The following PTPRT variants were observed in gnomAD, a reference collection of about 807,000 sequenced individuals.
PTPRT encodes the protein protein tyrosine phosphatase receptor type T.
PTPRT carries 56 observed loss-of-function variants against 176.8 expected under a neutral mutation model. That is an observed-to-expected ratio of 0.32 (90% CI 0.26 to 0.40). The LOEUF (loss-of-function observed/expected upper bound fraction) is 0.40, where lower values mean the gene tolerates loss of function less well. Ranked by LOEUF, PTPRT falls within the 10% of genes least tolerant of loss-of-function variation. The probability of loss-of-function intolerance (pLI) is 1.00; values close to 1 mark genes in which losing one functional copy is unlikely to be tolerated. For missense variants in PTPRT, 1,540 were observed against 1,908.2 expected, an observed-to-expected ratio of 0.81 and a Z score of 3.60; for synonymous variants, 783 against 739.0, an observed-to-expected ratio of 1.06 and a Z score of -0.96.
intron 1 of PTPRT, among the ~76,000 whole-genome samples, chr20:43,104,353 C>T (rs1006826267): frequency 2.5e-4 from 38 of 152,156 alleles, no homozygotes; most frequent in Middle Eastern, 3.4e-3. Context: ...TACAACATCA[C>T]CCCCTGAGGT....
intron 1 of PTPRT, among the ~76,000 whole-genome samples, chr20:43,112,464 T>A (rs543927654): frequency 7.9e-5 from 12 of 152,236 alleles, no homozygotes; most frequent in African/African-American, 2.4e-4. Context: ...CTGTTGCATG[T>A]TACGTAATAT....
intron 1 of PTPRT, among the ~76,000 whole-genome samples, chr20:43,041,338 A>C (rs1156501655): frequency 6.6e-6 from 1 of 152,230 alleles, no homozygotes; most frequent in Non-Finnish European, 1.5e-5. Context: ...ACTACAAATA[A>C]TGTTCTTAAA....
At chr20:42,427,649 TC>T (rs1429020586) in intron 9 of PTPRT, among the ~76,000 whole-genome samples, 2 of 152,154 alleles carry the variant, frequency 1.3e-5, no homozygotes, top group Non-Finnish European at 2.9e-5. Flanking sequence ...AGGTCTCACC[TC>T]TTAATACCAC....
At chr20:43,178,547 G>A (rs2015174666) in intron 1 of PTPRT, among the ~76,000 whole-genome samples, 1 of 152,206 alleles carries the variant, frequency 6.6e-6, no homozygotes, top group African/African-American at 2.4e-5. Context: ...AAAGAAAAAT[G>A]TAACAGTCAA....
At chr20:42,353,235 G>A (rs968996092) in intron 9 of PTPRT, among the ~76,000 whole-genome samples, 1 of 152,130 alleles carries the variant, frequency 6.6e-6, no homozygotes, top group Non-Finnish European at 1.5e-5. Flanking sequence ...TATAAGTCTT[G>A]TTAAAAATGC....
intron 7 of PTPRT, among the ~76,000 whole-genome samples, chr20:42,587,528 C>T (rs62203796): frequency 0.022 from 3,357 of 152,340 alleles, 91 homozygotes; most frequent in East Asian, 0.14. Context: ...GACCCTTGCA[C>T]GGCCTGAGCC....
chr20:42,113,785 T>C (rs1353457256), intron 22 of PTPRT, among the ~76,000 whole-genome samples: 4 of 152,212 alleles, frequency 2.6e-5, no homozygotes, highest in African/African-American at 9.7e-5. Flanking sequence ...GCTCTGCTTC[T>C]AAAAAACCTG....
rs1388806632 is a variant in PTPRT at position 42,258,644 on chromosome 20, CA to C, written c.2177-9823del. On this transcript the variant is annotated intron_variant, in intron 13 of 30. Coordinates refer to ENST00000373187, the MANE Select transcript of PTPRT (RefSeq NM_007050.6). Reference sequence around the variant, plus strand: ...CTGACTACCTCCCCATGCCTCAAAGCAATGCCTCCTTCACCAGATCTGGTTG... The same window carrying C: ...CTGACTACCTCCCCATGCCTCAAAGCATGCCTCCTTCACCAGATCTGGTTG... Among the ~76,000 whole-genome samples the C allele has an allele frequency of 4.6e-5, 7 of 152,242 alleles. No homozygotes were observed. In the East Asian group the frequency reaches 1.2e-3, roughly 25 times the overall value.
chr20:42,178,512 A>G (rs1039858255), intron 16 of PTPRT, among the ~76,000 whole-genome samples: 1 of 152,206 alleles, frequency 6.6e-6, no homozygotes, highest in African/African-American at 2.4e-5. Flanking sequence ...GGGCAAATTA[A>G]TTAACATCTC....
At chr20:42,337,056 T>C (rs1176908321) in intron 11 of PTPRT, among the ~76,000 whole-genome samples, 1 of 152,138 alleles carries the variant, frequency 6.6e-6, no homozygotes, top group Non-Finnish European at 1.5e-5. Context: ...TTTTGAGCTG[T>C]GGCATGGTCT....
At chr20:42,407,000 T>A (rs1196250473) in intron 9 of PTPRT, among the ~76,000 whole-genome samples, 1 of 152,194 alleles carries the variant, frequency 6.6e-6, no homozygotes. Flanking sequence ...TTTAAGCAGA[T>A]GTAGAGGGGA....
At chr20:42,980,287 T>C (rs377295868) in intron 1 of PTPRT, among the ~76,000 whole-genome samples, 2 of 152,112 alleles carry the variant, frequency 1.3e-5, no homozygotes, top group Non-Finnish European at 2.9e-5. Flanking sequence ...GAACTCAGCA[T>C]TGGGAATTGG....
intron 6 of PTPRT, among the ~76,000 whole-genome samples, chr20:42,754,009 C>A (rs1044823107): frequency 6.6e-6 from 1 of 152,118 alleles, no homozygotes; most frequent in Non-Finnish European, 1.5e-5. Flanking sequence ...CCATGAGGAG[C>A]GGGAATGAAC....
At chr20:43,050,975 G>C (rs982555778) in intron 1 of PTPRT, among the ~76,000 whole-genome samples, 1 of 152,212 alleles carries the variant, frequency 6.6e-6, no homozygotes, top group African/African-American at 2.4e-5. Flanking sequence ...GCTATCAGAA[G>C]AAAGTGGCTC....
At chr20:42,399,895 A>G (rs1273975293) in intron 9 of PTPRT, among the ~76,000 whole-genome samples, 1 of 152,202 alleles carries the variant, frequency 6.6e-6, no homozygotes, top group Non-Finnish European at 1.5e-5. Flanking sequence ...GACTTATAAG[A>G]TGACTTTTGC....
chr20:42,276,924 A>G (rs1295844227), intron 13 of PTPRT, among the ~76,000 whole-genome samples: 1 of 152,108 alleles, frequency 6.6e-6, no homozygotes, highest in Non-Finnish European at 1.5e-5. Context: ...AAAAATGGCT[A>G]TTTAGTGTCC....
At chr20:42,173,784 T>C (rs555204850) in intron 16 of PTPRT, among the ~76,000 whole-genome samples, 1 of 152,330 alleles carries the variant, frequency 6.6e-6, no homozygotes, top group South Asian at 2.1e-4. Flanking sequence ...ATGGACTTTT[T>C]AAGTCTTTTA....
chr20:42,827,840 G>A (rs1431835031), intron 2 of PTPRT, among the ~76,000 whole-genome samples: 8 of 152,010 alleles, frequency 5.3e-5, no homozygotes, highest in African/African-American at 9.7e-5. Flanking sequence ...TTCCCCTTCC[G>A]CCATTATTAT....
intron 7 of PTPRT, among the ~76,000 whole-genome samples, chr20:42,534,920 T>C (rs775105485): frequency 6.6e-5 from 10 of 152,176 alleles, no homozygotes; most frequent in Non-Finnish European, 1.0e-4. Context: ...GCTCTCAGAA[T>C]GCACCCAGTG....
Sources: gnomAD v4.1 joint callset for allele counts (sites outside exome capture counted in the v4.1 genomes callset) on GRCh38, gnomAD v4.1.1 for gene constraint, MANE v1.5 for transcripts, NCBI Gene and HGNC (gene_info 2026-07-23, HGNC 2026-07-21) for gene names.